The following SLC44A5 variants were observed in gnomAD, a reference collection of about 807,000 sequenced individuals.
SLC44A5 encodes choline transporter-like protein 5.
Under a neutral mutation model 101.8 loss-of-function variants are expected in SLC44A5, and 57 were observed. The observed-to-expected ratio is 0.56, with a 90% CI of 0.45 to 0.70. The LOEUF is 0.70. Ranked by LOEUF, SLC44A5 falls within the 30% of genes least tolerant of loss-of-function variation. The pLI is 0.00. For synonymous variants in SLC44A5, 281 were observed against 290.9 expected, an observed-to-expected ratio of 0.97 and a Z score of 0.35; for missense variants, 737 against 853.1, an observed-to-expected ratio of 0.86 and a Z score of 1.70.
At chr1:75,672,474 A>G in the SLC44A5 span, among the ~76,000 whole-genome samples, 1 of 152,102 alleles carries the variant, frequency 6.6e-6, no homozygotes, top group Non-Finnish European at 1.5e-5. Context: ...TCCCACCACC[A>G]TGGGCTAAAG....
chr1:75,350,009 C>T (rs563623163), intron 3 of SLC44A5, among the ~76,000 whole-genome samples: 1 of 152,124 alleles, frequency 6.6e-6, no homozygotes, highest in South Asian at 2.1e-4. Context: ...GAAAGCACAA[C>T]ATAAGATGAT....
At chr1:75,667,408 C>T in the SLC44A5 span, among the ~76,000 whole-genome samples, 3 of 152,146 alleles carry the variant, frequency 2.0e-5, no homozygotes, top group Non-Finnish European at 4.4e-5. Context: ...CTACAAACCA[C>T]TGCTCAACGA....
chr1:75,437,258 C>T (rs945874908), intron 2 of SLC44A5, among the ~76,000 whole-genome samples: 1 of 152,050 alleles, frequency 6.6e-6, no homozygotes, highest in Non-Finnish European at 1.5e-5. Flanking sequence ...GCTGACAGGG[C>T]AATCGTTTTG....
chr1:75,230,394 T>G (rs1426682746), intron 12 of SLC44A5, among the ~76,000 whole-genome samples: 1 of 151,786 alleles, frequency 6.6e-6, no homozygotes. Context: ...ACTACAGGTG[T>G]GTGCTACCAT....
chr1:75,284,579 C>A (rs1169259142), intron 5 of SLC44A5, among the ~76,000 whole-genome samples: 3 of 151,978 alleles, frequency 2.0e-5, no homozygotes, highest in Non-Finnish European at 4.4e-5. Context: ...GCATCCTTGT[C>A]TTGTTTCAGT....
At chr1:75,349,968 G>A (rs955570575) in intron 3 of SLC44A5, among the ~76,000 whole-genome samples, 4 of 151,866 alleles carry the variant, frequency 2.6e-5, no homozygotes, top group Admixed American at 6.6e-5. Context: ...GAAAGAAAAG[G>A]AAAATAAACA....
intron 5 of SLC44A5, among the ~76,000 whole-genome samples, chr1:75,286,668 G>C (rs1553155376): frequency 6.6e-6 from 1 of 152,058 alleles, no homozygotes; most frequent in Non-Finnish European, 1.5e-5. Context: ...TGCTGGCTTG[G>C]TAGTGAGAAA....
At chr1:75,517,695 G>C (rs571739325) in intron 2 of SLC44A5, among the ~76,000 whole-genome samples, 15 of 152,268 alleles carry the variant, frequency 9.9e-5, no homozygotes, top group African/African-American at 3.6e-4. Flanking sequence ...GAAGCAAAAG[G>C]CTTGAAAAAG....
intron 5 of SLC44A5, among the ~76,000 whole-genome samples, chr1:75,281,639 C>G (rs367833575): frequency 2.2e-4 from 3 of 13,734 alleles, no homozygotes; most frequent in Non-Finnish European, 4.1e-4. Context: ...GTGCCAGGCC[C>G]CCCCCCCCCC....
chr1:75,653,390 G>A, the SLC44A5 span, among the ~76,000 whole-genome samples: 47 of 152,158 alleles, frequency 3.1e-4, no homozygotes, highest in Admixed American at 6.5e-4. Context: ...GCTGATGCAG[G>A]AGAATCACTT....
At chr1:75,621,694 A>C in the SLC44A5 span, among the ~76,000 whole-genome samples, 2 of 152,288 alleles carry the variant, frequency 1.3e-5, no homozygotes, top group South Asian at 4.1e-4. Context: ...CAAATGATCC[A>C]AACTTGCTCC....
At position 75,243,009 on chromosome 1, in the gene SLC44A5, G is replaced by C; in HGVS notation, c.348C>G (p.Ile116Met). The C allele has an allele frequency of 6.2e-7, 1 of 1,610,864 alleles. No individual in the cohort carries two copies. The highest frequency in any genetic ancestry group is 8.5e-7 in the Non-Finnish European group (1 of 1,178,574). ...ATTTTTCTGGGCACTTGGAGACACA[G>C]ATCTGTGAACGAACAAAGTGATGAG... Reference protein sequence around the residue: ...LLNLQCPTTQICVSKCPEKFL... With the variant: ...LLNLQCPTTQMCVSKCPEKFL... Residue 116 changes from isoleucine (I) to methionine (M), a missense_variant and splice_region_variant, in exon 8 of 24, where the codon ATC (isoleucine) becomes ATG (methionine). Ile to Met is a conservative substitution (Grantham distance 10). This residue lies in a region of SLC44A5 where 665 missense variants were observed against 764.4 expected (regional missense o/e 0.87). Coordinates refer to ENST00000370859, the MANE Select transcript of SLC44A5 (RefSeq NM_001130058.2).
chr1:75,359,743 C>A (rs1186307257), intron 3 of SLC44A5, among the ~76,000 whole-genome samples: 3 of 152,104 alleles, frequency 2.0e-5, no homozygotes. Flanking sequence ...TGGGGAACTT[C>A]CATACCATTT....
At chr1:75,471,525 A>G (rs886540737) in intron 2 of SLC44A5, among the ~76,000 whole-genome samples, 5 of 152,154 alleles carry the variant, frequency 3.3e-5, no homozygotes, top group African/African-American at 4.8e-5. Context: ...TTTTATCTCA[A>G]TCATGGCAGG....
intron 4 of SLC44A5, among the ~76,000 whole-genome samples, chr1:75,329,134 T>C (rs555624581): frequency 6.6e-6 from 1 of 152,294 alleles, no homozygotes; most frequent in East Asian, 1.9e-4. Flanking sequence ...AAGGAAGAGT[T>C]AAAAATAAGT....
chr1:75,703,523 A>C, the SLC44A5 span, among the ~76,000 whole-genome samples: 1 of 132,884 alleles, frequency 7.5e-6, no homozygotes, highest in Admixed American at 7.7e-5. Flanking sequence ...GGGTGGGGCG[A>C]GGGGGGAGGG....
the SLC44A5 span, among the ~76,000 whole-genome samples, chr1:75,623,443 T>C: frequency 6.6e-6 from 1 of 152,148 alleles, no homozygotes; most frequent in Non-Finnish European, 1.5e-5. Flanking sequence ...AATTCCAAAC[T>C]GACCAAGCAT....
At chr1:75,434,642 C>T (rs1026921599) in intron 2 of SLC44A5, among the ~76,000 whole-genome samples, 9 of 152,040 alleles carry the variant, frequency 5.9e-5, no homozygotes, top group South Asian at 4.1e-4. Flanking sequence ...CTGCTGTGGC[C>T]GGGTCCTAAC....
intron 1 of SLC44A5, among the ~76,000 whole-genome samples, chr1:75,605,956 G>A (rs1185860532): frequency 6.6e-6 from 1 of 151,948 alleles, no homozygotes; most frequent in Non-Finnish European, 1.5e-5. Context: ...TTGTGAGGAG[G>A]TACATTATAG....
Sources: allele counts gnomAD v4.1 joint callset (sites outside exome capture counted in the v4.1 genomes callset), GRCh38; gene constraint gnomAD v4.1.1; regional missense constraint gnomAD v4.1.1; transcripts MANE v1.5; gene names NCBI Gene and HGNC (gene_info 2026-07-23, HGNC 2026-07-21).